GRIA4: variants seen among roughly 807,000 people sequenced by gnomAD.
GRIA4 encodes glutamate ionotropic receptor AMPA type subunit 4.
GRIA4 carries 34 observed loss-of-function variants against 104.0 expected under a neutral mutation model. That is an observed-to-expected ratio of 0.33 (90% CI 0.25 to 0.44). The LOEUF is 0.44. GRIA4 is among the 20% of genes least tolerant of loss of function. GRIA4 has a pLI of 1.00. For synonymous variants in GRIA4, 386 were observed against 381.9 expected (o/e 1.01, Z -0.13); for missense variants, 750 against 1,096.5 (o/e 0.68, Z 4.46).
At chr11:105,877,995 GT>G (rs1262289401) in intron 5 of GRIA4, among the ~76,000 whole-genome samples, 2 of 152,156 alleles carry the variant, frequency 1.3e-5, no homozygotes, top group African/African-American at 4.8e-5. Flanking sequence ...AGGCGTTCTG[GT>G]TTTTGGAATT....
At chr11:105,785,662 A>C (rs1048314455) in intron 4 of GRIA4, among the ~76,000 whole-genome samples, 4 of 152,194 alleles carry the variant, frequency 2.6e-5, no homozygotes, top group African/African-American at 9.7e-5. Context: ...TATGAACATT[A>C]AAAGTTACTT....
intron 5 of GRIA4, among the ~76,000 whole-genome samples, chr11:105,881,025 A>T (rs184994157): frequency 2.1e-4 from 32 of 152,346 alleles, no homozygotes; most frequent in African/African-American, 7.0e-4. Context: ...TTGTTTGGGA[A>T]GTAAAGAACA....
At position 105,981,057 on chromosome 11, in the gene GRIA4, T is replaced by A. The variant is rs892745497; in HGVS notation, c.*1318T>A. On this transcript the variant is annotated 3_prime_UTR_variant, in exon 17 of 17. Transcript: ENST00000282499. ...GTTCCCTTTAAATCATATGAAGGCA[T>A]TCATAATAGCTTGGGGTAGATAACA... The A allele has an allele frequency of 6.6e-6, 1 of 152,646 alleles. No individual in the cohort carries two copies. Among genetic ancestry groups the A allele is most frequent in the African/African-American group, 2.4e-5 (1 of 41,456 alleles). The allele number at this position is 152,646 out of a possible 1,614,324, so 9.5% of individuals were successfully genotyped here.
At chr11:105,869,635 G>A (rs1268714953) in intron 5 of GRIA4, among the ~76,000 whole-genome samples, 1 of 152,002 alleles carries the variant, frequency 6.6e-6, no homozygotes, top group African/African-American at 2.4e-5. Flanking sequence ...TACCTTTGAG[G>A]ACCCTTTTCT....
intron 12 of GRIA4, 50 bp from the exon 13 acceptor site, chr11:105,926,690 CT>C (rs1947717508): frequency 1.8e-6 from 2 of 1,096,842 alleles, no homozygotes. Context: ...TCTTTTCTTT[CT>C]CTATGTTGGT....
intron 5 of GRIA4, among the ~76,000 whole-genome samples, chr11:105,886,324 C>T (rs1946256693): frequency 6.6e-6 from 1 of 152,082 alleles, no homozygotes; most frequent in African/African-American, 2.4e-5. Context: ...AAGCATTTAT[C>T]CTTTGTGTTA....
chr11:105,685,161 G>C (rs1422080961), intron 3 of GRIA4, among the ~76,000 whole-genome samples: 1 of 140,726 alleles, frequency 7.1e-6, no homozygotes, highest in Non-Finnish European at 1.6e-5. Context: ...GAGGGAGGAA[G>C]GAAGGGAGGG....
At chr11:105,853,127 G>T (rs781384983) in intron 4 of GRIA4, among the ~76,000 whole-genome samples, 7 of 152,116 alleles carry the variant, frequency 4.6e-5, no homozygotes, top group Non-Finnish European at 1.0e-4. Context: ...GCTCTTTTAA[G>T]AACCAGAATT....
rs1945331277 is a variant in GRIA4 at position 105,864,325 on chromosome 11, T to C, written c.672+2117T>C. Among the ~76,000 whole-genome samples, 6 of 152,226 alleles carry C rather than the reference T, an allele frequency of 3.9e-5. No homozygotes were observed. In the South Asian group the frequency reaches 1.2e-3, roughly 31 times the overall value. Reference sequence around the variant, plus strand: ...TTACTCTTGGCTCTTCCACAAGAGCTAATCCATACTTTGTCAGGGGTTTGT... The same window carrying C: ...TTACTCTTGGCTCTTCCACAAGAGCCAATCCATACTTTGTCAGGGGTTTGT... On this transcript the variant is annotated intron_variant, in intron 5 of 16. Coordinates refer to ENST00000282499, the MANE Select transcript of GRIA4 (RefSeq NM_000829.4).
chr11:105,854,166 G>A (rs1479481764), intron 4 of GRIA4, among the ~76,000 whole-genome samples: 2 of 152,104 alleles, frequency 1.3e-5, no homozygotes, highest in Non-Finnish European at 2.9e-5. Flanking sequence ...TAAACAAGGT[G>A]AGTGAGTAAA....
At chr11:105,949,166 T>G (rs1169032149) in intron 14 of GRIA4, among the ~76,000 whole-genome samples, 1 of 152,184 alleles carries the variant, frequency 6.6e-6, no homozygotes, top group Non-Finnish European at 1.5e-5. Flanking sequence ...GATCAAATTG[T>G]CAGCCATTAT....
intron 16 of GRIA4, 77 bp from the exon 17 acceptor site, chr11:105,979,498 T>C (rs1267832868): frequency 1.6e-6 from 2 of 1,262,290 alleles, no homozygotes; most frequent in Middle Eastern, 1.9e-4. Flanking sequence ...TCGGTGTTTG[T>C]TGTGGAACAT....
chr11:105,641,336 G>A (rs1025599877), intron 3 of GRIA4, among the ~76,000 whole-genome samples: 8 of 152,046 alleles, frequency 5.3e-5, no homozygotes, highest in Non-Finnish European at 8.8e-5. Context: ...AATTTTTGCC[G>A]TCACTCACCA....
intron 14 of GRIA4, among the ~76,000 whole-genome samples, chr11:105,940,825 T>TAA (rs113003734): frequency 1.2e-4 from 18 of 150,696 alleles, no homozygotes; most frequent in South Asian, 4.2e-4. Context: ...CACATTTAAT[T>TAA]TAAAAAAAAG....
intron 6 of GRIA4, among the ~76,000 whole-genome samples, chr11:105,896,011 T>C (rs1347378270): frequency 2.6e-5 from 4 of 152,230 alleles, no homozygotes; most frequent in South Asian, 2.1e-4. Flanking sequence ...CTGTTTTCCA[T>C]AGGGGTTGGA....
intron 4 of GRIA4, among the ~76,000 whole-genome samples, chr11:105,858,588 A>G (rs1316051699): frequency 6.6e-6 from 1 of 152,100 alleles, no homozygotes; most frequent in Non-Finnish European, 1.5e-5. Context: ...TTGTGCTATC[A>G]AAGACTATAT....
intron 4 of GRIA4, among the ~76,000 whole-genome samples, chr11:105,845,084 G>A (rs1382227612): frequency 6.6e-6 from 1 of 152,178 alleles, no homozygotes. Flanking sequence ...ACCTCACATG[G>A]TTTTGCAGGT....
At chr11:105,941,174 A>C (rs892207979) in intron 14 of GRIA4, among the ~76,000 whole-genome samples, 22 of 152,342 alleles carry the variant, frequency 1.4e-4, no homozygotes, top group Non-Finnish European at 2.6e-4. Context: ...TAATTTTTAT[A>C]TTAACAGAAG....
At chr11:105,780,016 A>G (rs1370119879) in intron 4 of GRIA4, among the ~76,000 whole-genome samples, 1 of 152,160 alleles carries the variant, frequency 6.6e-6, no homozygotes, top group Admixed American at 6.5e-5. Context: ...GAATTGTGGA[A>G]CATTAAATAG....
Sources: allele counts gnomAD v4.1 joint callset (sites outside exome capture counted in the v4.1 genomes callset), GRCh38; gene constraint gnomAD v4.1.1; transcripts MANE v1.5; gene names NCBI Gene and HGNC (gene_info 2026-07-23, HGNC 2026-07-21).